DOCK2: variants seen among roughly 807,000 people sequenced by gnomAD.
DOCK2 encodes dedicator of cytokinesis protein 2.
A neutral mutation model predicts 248.9 loss-of-function variants in DOCK2; 87 were observed. The observed-to-expected ratio is 0.35, with a 90% CI of 0.29 to 0.42. The LOEUF (loss-of-function observed/expected upper bound fraction) is 0.42, where lower values mean the gene tolerates loss of function less well. Among genes scored for constraint, DOCK2 ranks in the 10% least tolerant of loss-of-function variants. The pLI is 1.00. For synonymous variants in DOCK2, 805 were observed against 821.6 expected (o/e 0.98, Z 0.35); for missense variants, 1,747 against 2,300.2 (o/e 0.76, Z 4.92).
intron 30 of DOCK2, among the ~76,000 whole-genome samples, chr5:169,996,803 C>G (rs1272095812): frequency 3.9e-5 from 6 of 152,226 alleles, no homozygotes; most frequent in African/African-American, 1.4e-4. Context: ...TAGCATCTAT[C>G]TCTTCCAGTG....
chr5:169,954,281 T>C, intron 27 of DOCK2, among the ~76,000 whole-genome samples: 1 of 152,276 alleles, frequency 6.6e-6, no homozygotes, highest in Admixed American at 6.5e-5. Flanking sequence ...TGAGTGATTC[T>C]AAGGAATAAA....
chr5:169,827,897 A>G (rs1561741062), intron 26 of DOCK2, among the ~76,000 whole-genome samples: 5 of 152,022 alleles, frequency 3.3e-5, no homozygotes. Flanking sequence ...TGGTTTTTCA[A>G]CATTAAAACC....
At chr5:169,779,066 C>G (rs1765545460) in intron 25 of DOCK2, among the ~76,000 whole-genome samples, 2 of 152,086 alleles carry the variant, frequency 1.3e-5, no homozygotes, top group South Asian at 4.1e-4. Flanking sequence ...GAACTGTGTA[C>G]TTTTGACTCA....
intron 27 of DOCK2, among the ~76,000 whole-genome samples, chr5:169,853,080 G>A (rs1770697774): frequency 6.6e-6 from 1 of 152,206 alleles, no homozygotes; most frequent in African/African-American, 2.4e-5. Context: ...TCATGGTAGT[G>A]AATAAGTCTC....
chr5:169,914,381 T>C (rs1216953742), intron 27 of DOCK2, among the ~76,000 whole-genome samples: 1 of 152,170 alleles, frequency 6.6e-6, no homozygotes, highest in Non-Finnish European at 1.5e-5. Flanking sequence ...AATACAATAC[T>C]AAGTGCCTAC....
chr5:169,662,270 T>A (rs144014018), intron 2 of DOCK2, among the ~76,000 whole-genome samples: 170 of 152,334 alleles, frequency 1.1e-3, no homozygotes, highest in Non-Finnish European at 4.0e-4. Flanking sequence ...CTTGGAGAAA[T>A]GTCTATTCAG....
intron 23 of DOCK2, among the ~76,000 whole-genome samples, chr5:169,756,283 A>G (rs533950426): frequency 6.6e-6 from 1 of 152,342 alleles, no homozygotes; most frequent in South Asian, 2.1e-4. Flanking sequence ...CTGCGGTTCC[A>G]TCGTGTCCCT....
intron 30 of DOCK2, among the ~76,000 whole-genome samples, chr5:170,002,759 A>G (rs1056623836): frequency 2.7e-5 from 4 of 150,170 alleles, no homozygotes; most frequent in Non-Finnish European, 5.9e-5. Context: ...TCCAGTTCTA[A>G]CTCTCTATTG....
intron 27 of DOCK2, among the ~76,000 whole-genome samples, chr5:169,862,518 CTG>C (rs941432658): frequency 1.3e-5 from 2 of 151,766 alleles, no homozygotes; most frequent in African/African-American, 4.8e-5. Flanking sequence ...AAAAAAAAAT[CTG>C]TGGCTTTTAG....
chr5:169,716,119 C>G, intron 19 of DOCK2, 94 bp from the exon 20 acceptor site: 2 of 1,127,840 alleles, frequency 1.8e-6, no homozygotes, highest in South Asian at 2.6e-5. Context: ...GATGTGTGCT[C>G]TCATTCTCTT....
chr5:169,712,393 A>G (rs575193584), intron 17 of DOCK2, among the ~76,000 whole-genome samples, 170 bp downstream of exon 17: 1 of 152,308 alleles, frequency 6.6e-6, no homozygotes, highest in East Asian at 1.9e-4. Context: ...CTGTTTCCTC[A>G]TCTTTGTGCC....
chr5:170,055,487 C>T, intron 42 of DOCK2, 101 bp downstream of exon 42: 1 of 1,075,490 alleles, frequency 9.3e-7, no homozygotes, highest in Admixed American at 1.9e-5. Flanking sequence ...CTTTCTAGTT[C>T]CTTCTCTATC....
intron 22 of DOCK2, among the ~76,000 whole-genome samples, chr5:169,746,577 G>A (rs262836): frequency 0.12 from 18,140 of 152,104 alleles, 1,446 homozygotes; most frequent in African/African-American, 0.22. Flanking sequence ...ATTAGGCTGC[G>A]GATATTTCAC....
intron 28 of DOCK2, among the ~76,000 whole-genome samples, chr5:169,985,560 G>A (rs367824136): frequency 2.8e-4 from 43 of 152,222 alleles, no homozygotes; most frequent in Non-Finnish European, 5.0e-4. Flanking sequence ...ACATCAATGA[G>A]TACATTTACT....
intron 27 of DOCK2, among the ~76,000 whole-genome samples, chr5:169,865,282 A>C (rs1402251974): frequency 3.9e-5 from 6 of 152,212 alleles, no homozygotes; most frequent in Admixed American, 6.5e-5. Flanking sequence ...GAGGAGGTAA[A>C]AGTGAACCTG....
At chr5:169,902,737 G>A (rs1774000090) in intron 27 of DOCK2, among the ~76,000 whole-genome samples, 1 of 152,136 alleles carries the variant, frequency 6.6e-6, no homozygotes, top group East Asian at 1.9e-4. Context: ...AAATGGGTTG[G>A]GTACTAGGGA....
intron 25 of DOCK2, among the ~76,000 whole-genome samples, chr5:169,770,805 G>A (rs777001512): frequency 1.3e-5 from 2 of 152,052 alleles, no homozygotes; most frequent in African/African-American, 2.4e-5. Flanking sequence ...TTTTGATGAC[G>A]GTAGGAAATT....
chr5:169,927,050 C>T (rs1775496231), intron 27 of DOCK2, among the ~76,000 whole-genome samples: 1 of 152,150 alleles, frequency 6.6e-6, no homozygotes. Flanking sequence ...CCCAGGGTGC[C>T]AGACCAATAT....
In DOCK2 at chr5:170,056,684, C is replaced by T. The variant is rs540099818; in HGVS notation, c.4296C>T (p.Asn1432=). 6.2e-7 allele frequency: 1 copy of T among 1,614,016 alleles called. No individual in the cohort carries two copies. The highest frequency in any genetic ancestry group is 1.1e-5 in the South Asian group (1 of 91,070). ...GCCTCAGCCTCTTCCTGTCTTTCAG[C>T]TTCTACAAATCCAACTACGTGCAAA... ...KNKPVPDQII[N]FYKSNYVQRF... The change falls in exon 43 of 52, where the codon AAC becomes AAT. Residue 1432 remains asparagine (N), a splice_region_variant and synonymous_variant. Transcript: ENST00000520908.
Sources: allele counts gnomAD v4.1 joint callset (sites outside exome capture counted in the v4.1 genomes callset), GRCh38; gene constraint gnomAD v4.1.1; transcripts MANE v1.5; gene names NCBI Gene and HGNC (gene_info 2026-07-23, HGNC 2026-07-21).